FAM222A: variants seen among roughly 807,000 people sequenced by gnomAD.
FAM222A encodes family with sequence similarity 222 member A.
In FAM222A, 7 loss-of-function variants were observed where a neutral mutation model predicts 25.8. The ratio of observed to expected loss-of-function variants is 0.27; its 90% CI spans 0.15 to 0.51. The LOEUF (loss-of-function observed/expected upper bound fraction) is 0.51, where lower values mean the gene tolerates loss of function less well. Ranked by LOEUF, FAM222A falls within the 20% of genes least tolerant of loss-of-function variation. FAM222A has a pLI of 0.97. For synonymous variants in FAM222A, 294 were observed against 298.8 expected (o/e 0.98, Z 0.17); for missense variants, 573 against 640.5 (o/e 0.89, Z 1.14).
chr12:109,715,578 A>G (rs1887627395), intron 1 of FAM222A, among the ~76,000 whole-genome samples: 1 of 152,090 alleles, frequency 6.6e-6, no homozygotes, highest in Admixed American at 6.5e-5. Context: ...GGAGGGGTGA[A>G]GGCGGACTCC....
intron 2 of FAM222A, among the ~76,000 whole-genome samples, chr12:109,747,399 A>G (rs571414007): frequency 1.3e-5 from 2 of 152,276 alleles, no homozygotes; most frequent in South Asian, 2.1e-4. Context: ...CCAGCCCTAT[A>G]GTACATTTTA....
chr12:109,715,596 CCTA>C (rs1202424337), intron 1 of FAM222A, among the ~76,000 whole-genome samples: 3 of 152,172 alleles, frequency 2.0e-5, no homozygotes, highest in Non-Finnish European at 4.4e-5. Context: ...TCCCCCCACC[CCTA>C]CCATTGCAGT....
chr12:109,722,125 A>T (rs1424627470), intron 1 of FAM222A, among the ~76,000 whole-genome samples: 1 of 152,220 alleles, frequency 6.6e-6, no homozygotes, highest in Non-Finnish European at 1.5e-5. Flanking sequence ...GGGCAGAGCC[A>T]GGAAGGGTGA....
chr12:109,733,462 CGT>C (rs1491156442), intron 1 of FAM222A, among the ~76,000 whole-genome samples: 13 of 151,324 alleles, frequency 8.6e-5, no homozygotes, highest in Admixed American at 2.0e-4. Context: ...AGTGCAGTGG[CGT>C]GTGATCTCAG....
chr12:109,746,681 T>C (rs1346923371), intron 2 of FAM222A, among the ~76,000 whole-genome samples: 1 of 152,192 alleles, frequency 6.6e-6, no homozygotes, highest in African/African-American at 2.4e-5. Context: ...AATTCAATGA[T>C]TTTTAGTATA....
intron 2 of FAM222A, among the ~76,000 whole-genome samples, chr12:109,751,213 A>G (rs1050240285): frequency 2.0e-5 from 3 of 149,154 alleles, no homozygotes; most frequent in African/African-American, 5.1e-5. Context: ...CTTGGACAGT[A>G]TGATTTTTTT....
chr12:109,718,499 G>T (rs1887687919), intron 1 of FAM222A, among the ~76,000 whole-genome samples: 1 of 152,200 alleles, frequency 6.6e-6, no homozygotes, highest in African/African-American at 2.4e-5. Context: ...CTGGGCTCGG[G>T]GCGGGGGTGA....
At chr12:109,765,117 T>C (rs1297401982) in intron 2 of FAM222A, among the ~76,000 whole-genome samples, 4 of 152,230 alleles carry the variant, frequency 2.6e-5, no homozygotes, top group Non-Finnish European at 5.9e-5. Context: ...TTGCCTAGGC[T>C]CATAGGCCTG....
intron 1 of FAM222A, among the ~76,000 whole-genome samples, chr12:109,733,752 G>A (rs1208006604): frequency 1.3e-5 from 2 of 152,156 alleles, no homozygotes; most frequent in African/African-American, 2.4e-5. Flanking sequence ...GGGTATTTAG[G>A]TAGAGGCAAA....
intron 1 of FAM222A, chr12:109,742,301 G>A (rs1391508975): frequency 6.6e-6 from 1 of 152,312 alleles, no homozygotes; most frequent in Non-Finnish European, 1.5e-5. Context: ...CCAAGGCTGT[G>A]GTGATGGCAG....
chr12:109,767,085 T>TTC (rs1889075718), intron 2 of FAM222A, among the ~76,000 whole-genome samples: 1 of 148,274 alleles, frequency 6.7e-6, no homozygotes, highest in African/African-American at 2.5e-5. Flanking sequence ...TTTTTTTTTT[T>TTC]TCTTATAAAG....
intron 1 of FAM222A, among the ~76,000 whole-genome samples, chr12:109,740,293 T>C (rs1483011306): frequency 2.0e-5 from 3 of 152,194 alleles, no homozygotes; most frequent in African/African-American, 4.8e-5. Flanking sequence ...GTCTCCGAGA[T>C]AAGGCGTCTT....
chr12:109,769,545 C>A lies in FAM222A; in HGVS notation c.*257C>A. The A allele has an allele frequency of 1.9e-6, 1 of 532,000 alleles. No individual in the cohort carries two copies. Among genetic ancestry groups the A allele is most frequent in the Non-Finnish European group, 3.3e-6 (1 of 301,216 alleles). The allele number at this position is 532,000 out of a possible 1,614,324, so 33.0% of individuals were successfully genotyped here. A position where few individuals can be genotyped will look rare whatever the true frequency, so the allele number is the denominator to read the frequency against. Reference sequence around the variant, plus strand: ...TGGGGGCAGCCACTGACGCCCATGCCTTCCTTTATCTAAGCTGGCAGAGGC... The same window carrying A: ...TGGGGGCAGCCACTGACGCCCATGCATTCCTTTATCTAAGCTGGCAGAGGC... On this transcript the variant is annotated 3_prime_UTR_variant, in exon 3 of 3. Coordinates refer to ENST00000538780, the MANE Select transcript of FAM222A (RefSeq NM_032829.3).
At position 109,725,732 on chromosome 12, in the gene FAM222A, G is replaced by C. The variant is rs192981814; in HGVS notation, c.-47+10835G>C. On this transcript the variant is annotated intron_variant, in intron 1 of 2. Coordinates refer to ENST00000538780, the MANE Select transcript of FAM222A (RefSeq NM_032829.3). ...CGTTTGCTTGAAGCAAATGTCAGGC[G>C]CCAAGTTGTGCTTTGTAAACGCTCA... Among the ~76,000 whole-genome samples, 3 of 151,850 alleles carry C rather than the reference G, an allele frequency of 2.0e-5. No individual in the cohort carries two copies. In the East Asian group the frequency reaches 5.8e-4, roughly 29 times the overall value.
chr12:109,759,142 C>T (rs1285884547), intron 2 of FAM222A, among the ~76,000 whole-genome samples: 7 of 152,164 alleles, frequency 4.6e-5, no homozygotes, highest in Non-Finnish European at 1.0e-4. Flanking sequence ...GCCAGCAGAA[C>T]CCACCTCCAA....
intron 1 of FAM222A, among the ~76,000 whole-genome samples, chr12:109,739,940 T>G (rs1174441638): frequency 6.6e-6 from 1 of 152,190 alleles, no homozygotes; most frequent in Non-Finnish European, 1.5e-5. Flanking sequence ...CTCACCACCG[T>G]TAAGAGCCCA....
chr12:109,748,343 T>C, intron 2 of FAM222A, among the ~76,000 whole-genome samples: 2 of 150,048 alleles, frequency 1.3e-5, no homozygotes, highest in Non-Finnish European at 1.5e-5. Context: ...TCTTTTTTTT[T>C]TTTTTTTTTT....
At chr12:109,733,669 G>A (rs547499272) in intron 1 of FAM222A, among the ~76,000 whole-genome samples, 8 of 152,302 alleles carry the variant, frequency 5.3e-5, no homozygotes, top group African/African-American at 1.7e-4. Flanking sequence ...TCCCAAAAGT[G>A]CTGGGATTAC....
intron 2 of FAM222A, among the ~76,000 whole-genome samples, chr12:109,757,081 A>G (rs1206781613): frequency 1.3e-5 from 2 of 152,164 alleles, no homozygotes; most frequent in Admixed American, 1.3e-4. Context: ...TCTTTCTAGG[A>G]ATTTGTCCAT....
Sources: gnomAD v4.1 joint callset for allele counts (sites outside exome capture counted in the v4.1 genomes callset) on GRCh38, gnomAD v4.1.1 for gene constraint, MANE v1.5 for transcripts, NCBI Gene and HGNC (gene_info 2026-07-23, HGNC 2026-07-21) for gene names.